ITGA11: variants seen among roughly 807,000 people sequenced by gnomAD.
ITGA11 encodes integrin alpha-11.
Under a neutral mutation model 141.9 loss-of-function variants are expected in ITGA11, and 97 were observed. That is an observed-to-expected ratio of 0.68 (90% CI 0.58 to 0.81). ITGA11 has a LOEUF of 0.81. Among genes scored for constraint, ITGA11 ranks in the 30% least tolerant of loss-of-function variants. ITGA11 has a pLI of 0.00. For synonymous variants in ITGA11, 658 were observed against 624.6 expected, an observed-to-expected ratio of 1.05 and a Z score of -0.80; for missense variants, 1,387 against 1,559.2, an observed-to-expected ratio of 0.89 and a Z score of 1.86.
chr15:68,323,290 A>G (rs1003872641), intron 18 of ITGA11, among the ~76,000 whole-genome samples: 1 of 152,200 alleles, frequency 6.6e-6, no homozygotes, highest in African/African-American at 2.4e-5. Context: ...CTAGCACCAA[A>G]GTTCATCCTG....
chr15:68,411,687 C>T (rs559178918), intron 1 of ITGA11, among the ~76,000 whole-genome samples: 2 of 152,208 alleles, frequency 1.3e-5, no homozygotes, highest in Non-Finnish European at 2.9e-5. Flanking sequence ...CTTCACTTCT[C>T]TATATGCACA....
At position 68,335,770 on chromosome 15, in the gene ITGA11, G is replaced by C; in HGVS notation, c.1352C>G (p.Thr451Arg). The C allele has an allele frequency of 6.2e-7, 1 of 1,613,786 alleles. No homozygotes were observed. The highest frequency in any genetic ancestry group is 1.1e-5 in the South Asian group (1 of 91,006). ...YVAGAPRFNH[T>R]GKVILFTMHN... ...CATGGTGAACAGGATGACCTTGCCC[G>C]TGTGGTTGAACCGGGGGGCTCCGGC... The change falls in exon 12 of 30, where the codon ACG becomes AGG. Residue 451 changes from threonine to arginine, a missense_variant. Thr to Arg is a moderately conservative substitution (Grantham distance 71, BLOSUM62 -1). Coordinates refer to ENST00000315757, the MANE Select transcript of ITGA11 (RefSeq NM_001004439.2). This position sits in a 1 kb window ranked among gnomAD's most constrained non-coding sequence, Gnocchi z 4.9.
At position 68,312,739 on chromosome 15, in the gene ITGA11, C is replaced by T. The variant is rs1893431153; in HGVS notation, c.2973+34G>A. On this transcript the variant is annotated intron_variant, in intron 24 of 29. Transcript: ENST00000315757. ...AGGATGGGGGTGCTCAGATCCCGTC[C>T]TTCCCCCTCTACCCGGCTCCCCTCC... is the stretch of plus-strand genomic sequence containing the variant. 4 of 1,514,954 alleles carry T rather than the reference C, an allele frequency of 2.6e-6. 1 individual carries two copies. The highest frequency in any genetic ancestry group is 1.7e-5 in the Admixed American group (1 of 59,462). 93.8% of individuals were successfully genotyped at this position (1,514,954 alleles called of 1,614,324 possible).
chr15:68,382,668 G>A (rs996184356), intron 2 of ITGA11, among the ~76,000 whole-genome samples: 26 of 152,272 alleles, frequency 1.7e-4, no homozygotes, highest in African/African-American at 6.3e-4. Context: ...CTCTCTTGTT[G>A]GCATTTTATT....
intron 1 of ITGA11, among the ~76,000 whole-genome samples, chr15:68,417,009 T>C (rs1305493794): frequency 6.6e-6 from 1 of 152,178 alleles, no homozygotes; most frequent in Non-Finnish European, 1.5e-5. Context: ...GTAGGAAAAG[T>C]GATCAAAATG....
At chr15:68,370,898 G>A (rs984145500) in intron 2 of ITGA11, among the ~76,000 whole-genome samples, 1 of 152,210 alleles carries the variant, frequency 6.6e-6, no homozygotes, top group Admixed American at 6.5e-5. Flanking sequence ...GCACTTAAGT[G>A]GCTTCTTGTG....
At chr15:68,415,647 T>G (rs1018256603) in intron 1 of ITGA11, among the ~76,000 whole-genome samples, 3 of 152,156 alleles carry the variant, frequency 2.0e-5, no homozygotes, top group Non-Finnish European at 4.4e-5. Context: ...GCAGCCACAG[T>G]GTCCACCTTC....
intron 2 of ITGA11, among the ~76,000 whole-genome samples, chr15:68,384,409 G>A (rs1004468154): frequency 6.6e-6 from 1 of 152,126 alleles, no homozygotes; most frequent in Non-Finnish European, 1.5e-5. Flanking sequence ...TGGTTCTGGG[G>A]CTGCTGTGCT....
chr15:68,425,662 A>G (rs1897126117), intron 1 of ITGA11, among the ~76,000 whole-genome samples: 1 of 152,220 alleles, frequency 6.6e-6, no homozygotes, highest in Non-Finnish European at 1.5e-5. Flanking sequence ...CAGAAGGAAC[A>G]TTGGGAGTGC....
Position 68,311,040 on chromosome 15 carries a change from T to C in ITGA11, c.3128A>G (p.Tyr1043Cys). The change falls in exon 26 of 30, where the codon TAC becomes TGC. Residue 1043 changes from tyrosine to cysteine, a missense_variant. Physicochemically the swap from Tyr to Cys is radical, Grantham distance 194. Coordinates refer to ENST00000315757, the MANE Select transcript of ITGA11 (RefSeq NM_001004439.2). ...GTCTTCCTCCACTGGGGTGGGCCGG[T>C]ACTCAGTGCTATTGCCCCAGATGTT... ...SCNIWGNSTE[Y>C]RPTPVEEDLR... 6.2e-7 allele frequency: 1 copy of C among 1,607,632 alleles called. No homozygotes were observed. Among genetic ancestry groups the C allele is most frequent in the Non-Finnish European group, 8.5e-7 (1 of 1,177,042 alleles).
intron 1 of ITGA11, among the ~76,000 whole-genome samples, chr15:68,425,080 G>C (rs955676734): frequency 3.3e-5 from 5 of 152,322 alleles, no homozygotes; most frequent in Middle Eastern, 3.4e-3. Flanking sequence ...ACTTGGAGGT[G>C]CCTGGGGCTT....
chr15:68,389,123 T>C (rs979694273), intron 2 of ITGA11, among the ~76,000 whole-genome samples: 6 of 152,200 alleles, frequency 3.9e-5, no homozygotes, highest in African/African-American at 1.4e-4. Flanking sequence ...CTCTGAACAT[T>C]GGAATCCTAT....
Position 68,326,645 on chromosome 15 carries a change from C to T in ITGA11, c.2211+9G>A, listed in dbSNP as rs1246241814. On this transcript the variant is annotated intron_variant, in intron 17 of 29. Transcript: ENST00000315757. This position sits in a 1 kb window ranked among gnomAD's most constrained non-coding sequence, Gnocchi z 6.8. ...AGCTTGGGCTCTGCTGGTGGGGCTG[C>T]CAGCTTACCAGGACATGGAAGTTGA... 4.4e-6 allele frequency: 7 copies of T among 1,581,910 alleles called. No individual in the cohort carries two copies. Among genetic ancestry groups the T allele is most frequent in the Middle Eastern group, 3.3e-4 (2 of 6,046 alleles).
chr15:68,320,157 C>T (rs1408018970), intron 20 of ITGA11, 28 bp downstream of exon 20: 1 of 1,602,640 alleles, frequency 6.2e-7, no homozygotes, highest in Non-Finnish European at 8.5e-7. Context: ...CAGGCAGAGG[C>T]AGTCTGGGCA....
At chr15:68,341,476 G>A (rs929895976) in intron 10 of ITGA11, among the ~76,000 whole-genome samples, 5 of 152,212 alleles carry the variant, frequency 3.3e-5, no homozygotes, top group African/African-American at 1.2e-4. Flanking sequence ...GAGGGGGAAG[G>A]GACTTGCCCA....
At chr15:68,386,642 G>A (rs937008460) in intron 2 of ITGA11, among the ~76,000 whole-genome samples, 2 of 152,180 alleles carry the variant, frequency 1.3e-5, no homozygotes, top group African/African-American at 4.8e-5. Context: ...CAGTTCTGCA[G>A]GGGGCAGCCC....
At chr15:68,421,214 C>A (rs369144157) in intron 1 of ITGA11, among the ~76,000 whole-genome samples, 5 of 8,976 alleles carry the variant, frequency 5.6e-4, no homozygotes, top group East Asian at 2.6e-3. Flanking sequence ...AGGCTGGATA[C>A]AGCAGCCTGC....
chr15:68,331,622 G>T (rs1894159407), intron 14 of ITGA11, among the ~76,000 whole-genome samples: 1 of 151,902 alleles, frequency 6.6e-6, no homozygotes, highest in South Asian at 2.1e-4. Context: ...TGTTGTTGGG[G>T]GAGGATGAGG....
At chr15:68,316,848 T>A (rs1433340898) in intron 21 of ITGA11, among the ~76,000 whole-genome samples, 1 of 152,192 alleles carries the variant, frequency 6.6e-6, no homozygotes, top group East Asian at 1.9e-4. Flanking sequence ...TCCCTTCACA[T>A]ACCCACCCTC....
Sources: gnomAD v4.1 joint callset for allele counts (sites outside exome capture counted in the v4.1 genomes callset) on GRCh38, gnomAD v4.1.1 for gene constraint, Gnocchi (gnomAD v3.1) non-coding constraint, MANE v1.5 for transcripts, NCBI Gene and HGNC (gene_info 2026-07-23, HGNC 2026-07-21) for gene names.